The following ZNF586 variants were observed in gnomAD, a reference collection of about 807,000 sequenced individuals.
ZNF586 encodes the protein zinc finger protein 586.
ZNF586 carries 7 observed loss-of-function variants against 6.7 expected under a neutral mutation model. That is an observed-to-expected ratio of 1.04 (90% confidence interval 0.59 to 1.95). The LOEUF (loss-of-function observed/expected upper bound fraction) is 1.95. Among genes scored for constraint, ZNF586 ranks in the 30% most tolerant of loss-of-function variants. ZNF586 has a pLI of 0.00. For missense variants in ZNF586, 442 were observed against 489.6 expected (o/e 0.90, Z 0.92); for synonymous variants, 166 against 168.7 (o/e 0.98, Z 0.12).
chr19:57,776,513 T>C (rs760778574), intron 1 of ZNF586, 30 bp from the exon 2 acceptor site: 3 of 1,598,648 alleles, frequency 1.9e-6, no homozygotes, highest in Non-Finnish European at 2.6e-6. Context: ...TAGGGGCCAT[T>C]TGTGGTTTCA....
intron 1 of ZNF586, among the ~76,000 whole-genome samples, chr19:57,770,266 C>T (rs544270115): frequency 1.3e-5 from 2 of 149,830 alleles, no homozygotes; most frequent in South Asian, 2.1e-4. Flanking sequence ...AAGCGATTCT[C>T]CTGCCTCAGC....
chr19:57,780,376 A>G lies in ZNF586; in HGVS notation c.*580A>G, dbSNP rs2122570220. ...ATTCTATTCTCATTTCTTTCTCTCC[A>G]ATGAGTTAGGCCATGAACCTGACTC... is the stretch of plus-strand genomic sequence containing the variant. On this transcript the variant is annotated 3_prime_UTR_variant, in exon 3 of 3. Transcript: ENST00000396154. 6.5e-6 allele frequency: 1 copy of G among 153,010 alleles called. No homozygotes were observed. Among genetic ancestry groups the G allele is most frequent in the South Asian group, 2.1e-4 (1 of 4,866 alleles). 9.5% of individuals were successfully genotyped at this position (153,010 alleles called of 1,614,324 possible).
chr19:57,778,223 C>T (rs1987287958), intron 2 of ZNF586, among the ~76,000 whole-genome samples: 1 of 152,042 alleles, frequency 6.6e-6, no homozygotes, highest in South Asian at 2.1e-4. Flanking sequence ...AGGTGCATGC[C>T]ACCACACCTG....
In ZNF586 at chr19:57,776,684, T is replaced by C. The variant is rs753405462; in HGVS notation, c.163+15T>C. On this transcript the variant is annotated intron_variant, in intron 2 of 2. Transcript: ENST00000396154. Reference sequence around the variant, plus strand: ...ATCCTCCCTGGGTAAGGTACTCATATTCACCTGTGACCTGAGTTAGTCTGT... The same window carrying C: ...ATCCTCCCTGGGTAAGGTACTCATACTCACCTGTGACCTGAGTTAGTCTGT... The C allele has an allele frequency of 5.7e-6, 9 of 1,589,076 alleles. No homozygotes were observed. Among genetic ancestry groups the C allele is most frequent in the Non-Finnish European group, 6.8e-6 (8 of 1,168,152 alleles).
At chr19:57,769,903 T>TGGG in intron 1 of ZNF586, 25 bp downstream of exon 1, 2 of 1,475,842 alleles carry the variant, frequency 1.4e-6, no homozygotes, top group Non-Finnish European at 1.8e-6. Flanking sequence ...CTCCGGGCCT[T>TGGG]ACCCACCCTA....
In ZNF586 at chr19:57,779,080, C is replaced by T. The variant is rs1987311654; in HGVS notation, c.493C>T (p.Leu165Phe). 1 of 1,614,124 alleles carries T rather than the reference C, an allele frequency of 6.2e-7. No individual in the cohort carries two copies. Among genetic ancestry groups the T allele is most frequent in the African/African-American group, 1.3e-5 (1 of 75,020 alleles). The change falls in exon 3 of 3, where the codon CTC becomes TTC. Residue 165 changes from leucine to phenylalanine, a missense_variant. Transcript: ENST00000396154. ...AAAATCATTTCACCAAAGCTCTTCA[C>T]TCTTGCAGCGTCAGACACTTCACAC... ...CGKSFHQSSS[L>F]LQRQTLHTRE...
intron 1 of ZNF586, among the ~76,000 whole-genome samples, 164 bp downstream of exon 1, chr19:57,770,042 C>G (rs1466044508): frequency 6.6e-6 from 1 of 152,046 alleles, no homozygotes; most frequent in Non-Finnish European, 1.5e-5. Flanking sequence ...TTGATGCGGT[C>G]GGCAGAGCGA....
intron 1 of ZNF586, among the ~76,000 whole-genome samples, chr19:57,775,637 C>A (rs1410129467): frequency 1.4e-5 from 2 of 137,944 alleles, no homozygotes; most frequent in East Asian, 4.2e-4. Context: ...GGGTCTTGCT[C>A]CGTTGCCCAG....
In ZNF586 at chr19:57,779,445, A is replaced by G. The variant is rs761902554; in HGVS notation, c.858A>G (p.Arg286=). The change falls in exon 3 of 3, where the codon AGA becomes AGG. Residue 286 remains arginine, a synonymous_variant. Coordinates refer to ENST00000396154, the MANE Select transcript of ZNF586 (RefSeq NM_017652.4). ...TGCAGCATCAGAGAGTTCACACTAG[A>G]GAAAGGCCTTATGAATGTAGTGAAT... is the stretch of plus-strand genomic sequence containing the variant. ...SLLQHQRVHT[R]ERPYECSECG... 7 of 1,614,114 alleles carry G rather than the reference A, an allele frequency of 4.3e-6. No individual in the cohort carries two copies. The highest frequency in any genetic ancestry group is 5.1e-6 in the Non-Finnish European group (6 of 1,180,028).
intron 1 of ZNF586, chr19:57,774,657 TG>T (rs59164814): frequency 0.32 from 204,193 of 642,736 alleles, 41,063 homozygotes; most frequent in East Asian, 0.44. Flanking sequence ...TGGTTCTTTT[TG>T]TCTGTGGATT....
Position 57,779,161 on chromosome 19 carries a change from A to G in ZNF586, c.574A>G (p.Ser192Gly). The change falls in exon 3 of 3, where the codon AGT (serine) becomes GGT (glycine). Residue 192 changes from serine (S) to glycine (G), a missense_variant. Physicochemically the swap from Ser to Gly is moderately conservative, Grantham distance 56. Transcript: ENST00000396154. ...TGGGAAAGCCTTTGCTGAAAAGTCC[A>G]GTCTCATTAACCACAGGAAAGTTCA... ...ECGKAFAEKS[S>G]LINHRKVHSG... 1.2e-6 allele frequency: 2 copies of G among 1,613,868 alleles called. No individual in the cohort carries two copies. Among genetic ancestry groups the G allele is most frequent in the East Asian group, 2.2e-5 (1 of 44,868 alleles).
chr19:57,770,879 TCTCA>T (rs1158808064), intron 1 of ZNF586, among the ~76,000 whole-genome samples: 1 of 151,942 alleles, frequency 6.6e-6, no homozygotes, highest in Non-Finnish European at 1.5e-5. Flanking sequence ...GGCGACGGGT[TCTCA>T]CTCAACACCC....
At position 57,779,623 on chromosome 19, in the gene ZNF586, G is replaced by A. The variant is rs1285011096; in HGVS notation, c.1036G>A (p.Glu346Lys). ...LRVHTGERPYECSDCGKSFAE... is the reference protein window; with the variant it reads ...LRVHTGERPYKCSDCGKSFAE... Reference sequence around the variant, plus strand: ...AGTTCACACTGGAGAAAGGCCTTATGAGTGCAGTGACTGTGGGAAATCCTT... The same window carrying A: ...AGTTCACACTGGAGAAAGGCCTTATAAGTGCAGTGACTGTGGGAAATCCTT... Residue 346 changes from glutamate to lysine, a missense_variant, in exon 3 of 3, where the codon GAG (glutamate) becomes AAG (lysine). By Grantham distance (56) the Glu-to-Lys change is moderately conservative. Transcript: ENST00000396154. 3.1e-6 allele frequency: 5 copies of A among 1,613,924 alleles called. No homozygotes were observed. The South Asian group carries it at 5.5e-5, about 18-fold the overall frequency.
At chr19:57,778,719 C>T (rs750227739) in intron 2 of ZNF586, 32 bp from the exon 3 acceptor site, 8 of 1,567,930 alleles carry the variant, frequency 5.1e-6, no homozygotes, top group South Asian at 4.8e-5. Flanking sequence ...ACAAAGTCAA[C>T]ATGTACCTCA....
rs1404158789 is a variant in ZNF586 at position 57,780,176 on chromosome 19, C to A, written c.*380C>A. The A allele has an allele frequency of 3.5e-5, 7 of 202,290 alleles. No individual in the cohort carries two copies. Among genetic ancestry groups the A allele is most frequent in the Non-Finnish European group, 6.1e-5 (6 of 99,150 alleles). The allele number at this position is 202,290 out of a possible 1,614,324, so 12.5% of individuals were successfully genotyped here. On this transcript the variant is annotated 3_prime_UTR_variant, in exon 3 of 3. Coordinates refer to ENST00000396154, the MANE Select transcript of ZNF586 (RefSeq NM_017652.4). ...GTGGGAACTGCATAGTATTTTTCGA[C>A]CTGCCCAGGTCTCTTGCTAGACTTC... is the stretch of plus-strand genomic sequence containing the variant.
At chr19:57,778,599 T>A (rs1987297641) in intron 2 of ZNF586, 152 bp from the exon 3 acceptor site, 1 of 650,532 alleles carries the variant, frequency 1.5e-6, no homozygotes. Context: ...TCTGTGATAA[T>A]GCTAAGCAGC....
chr19:57,778,730 C>A, intron 2 of ZNF586, 21 bp from the exon 3 acceptor site: 1 of 1,583,002 alleles, frequency 6.3e-7, no homozygotes, highest in Non-Finnish European at 8.6e-7. Flanking sequence ...ATGTACCTCA[C>A]CAGCATTTCT....
Position 57,769,682 on chromosome 19 carries a change from C to A in ZNF586, c.-161C>A. The stretch of plus-strand genomic sequence containing the variant: ...AGCCGTGGCAGCCATTTTGGCCTGT[C>A]AGGTCCATCCGGCGATGCTGGGTCT... On this transcript the variant is annotated 5_prime_UTR_variant, in exon 1 of 3. Transcript: ENST00000396154. 1 of 754,356 alleles carries A rather than the reference C, an allele frequency of 1.3e-6. No homozygotes were observed. The highest frequency in any genetic ancestry group is 2.2e-6 in the Non-Finnish European group (1 of 458,480). 46.7% of individuals were successfully genotyped at this position (754,356 alleles called of 1,614,324 possible). A position where few individuals can be genotyped will look rare whatever the true frequency, so the allele number is the denominator to read the frequency against.
Position 57,779,428 on chromosome 19 carries a change from C to A in ZNF586, c.841C>A (p.Gln281Lys). The change falls in exon 3 of 3, where the codon CAG (glutamine) becomes AAG (lysine). Residue 281 changes from glutamine (Q) to lysine (K), a missense_variant. Coordinates refer to ENST00000396154, the MANE Select transcript of ZNF586 (RefSeq NM_017652.4). ...FRRSSSLLQHQRVHTRERPYE... is the reference protein window; with the variant it reads ...FRRSSSLLQHKRVHTRERPYE... ...CCGAAGCTCTTCACTCTTGCAGCAT[C>A]AGAGAGTTCACACTAGAGAAAGGCC... 6.2e-7 allele frequency: 1 copy of A among 1,613,646 alleles called. No individual in the cohort carries two copies.
Sources: gnomAD v4.1 joint callset for allele counts (sites outside exome capture counted in the v4.1 genomes callset) on GRCh38, gnomAD v4.1.1 for gene constraint, MANE v1.5 for transcripts, NCBI Gene and HGNC (gene_info 2026-07-23, HGNC 2026-07-21) for gene names.